The following ITFG2 variants were observed in gnomAD, a reference collection of about 807,000 sequenced individuals.
ITFG2 encodes the protein KICSTOR complex protein ITFG2.
A neutral mutation model predicts 54.4 loss-of-function variants in ITFG2; 36 were observed. The observed-to-expected ratio is 0.66, with a 90% CI of 0.51 to 0.87. The LOEUF (loss-of-function observed/expected upper bound fraction) is 0.87. ITFG2 is among the 40% of genes least tolerant of loss of function. ITFG2 has a pLI of 0.00. For synonymous variants in ITFG2, 211 were observed against 225.4 expected (o/e 0.94, Z 0.57); for missense variants, 524 against 576.7 (o/e 0.91, Z 0.94).
Position 2,817,226 on chromosome 12 carries a change from A to T in ITFG2, c.100A>T (p.Asn34Tyr). The T allele has an allele frequency of 1.2e-6, 2 of 1,611,178 alleles. No individual in the cohort carries two copies. The highest frequency in any genetic ancestry group is 1.7e-6 in the Non-Finnish European group (2 of 1,177,600). The stretch of plus-strand genomic sequence containing the variant: ...TTTCTTCTCTCTCCATTTGAAGTTA[A>T]ATGAACTGGTGGTGGGAGACACCAG... Reference protein sequence around the residue: ...CLGDVDNDTLNELVVGDTSGK... With the variant: ...CLGDVDNDTLYELVVGDTSGK... The change falls in exon 2 of 12, where the codon AAT (asparagine) becomes TAT (tyrosine). Residue 34 changes from asparagine to tyrosine, a missense_variant. Coordinates refer to ENST00000228799, the MANE Select transcript of ITFG2 (RefSeq NM_018463.4).
At chr12:2,813,136 G>T (rs1399278140) in intron 1 of ITFG2, among the ~76,000 whole-genome samples, 1 of 152,056 alleles carries the variant, frequency 6.6e-6, no homozygotes, top group Admixed American at 6.5e-5. Flanking sequence ...TCCCGGGCTC[G>T]AGCGATTCTC....
intron 2 of ITFG2, among the ~76,000 whole-genome samples, chr12:2,842,041 A>G (rs187971558): frequency 6.0e-5 from 9 of 150,472 alleles, no homozygotes; most frequent in Admixed American, 2.7e-4. Flanking sequence ...TTTTTGATCT[A>G]TTGGGTTAAA....
At chr12:2,852,932 G>A (rs756240174) in intron 2 of ITFG2, among the ~76,000 whole-genome samples, 40 of 152,000 alleles carry the variant, frequency 2.6e-4, no homozygotes, top group Non-Finnish European at 4.7e-4. Context: ...CCCAGGAGGC[G>A]GAGGTTGCAG....
Position 2,824,240 on chromosome 12 carries a change from C to T in ITFG2, c.*47C>T. 1.3e-6 allele frequency: 2 copies of T among 1,560,086 alleles called. No homozygotes were observed. Among genetic ancestry groups the T allele is most frequent in the Non-Finnish European group, 1.8e-6 (2 of 1,131,096 alleles). ...TGAAGGATTCTTCTGAACCCCCACCCTACCCCCTAAAGGTATCTGTGGTAT... is the reference window on the plus strand; with the variant it reads ...TGAAGGATTCTTCTGAACCCCCACCTTACCCCCTAAAGGTATCTGTGGTAT... On this transcript the variant is annotated 3_prime_UTR_variant, in exon 12 of 12. Transcript: ENST00000228799.
rs1162448391 is a variant in ITFG2, at chr12:2,824,702, T to G, written c.*509T>G. ...TGAAGGATCTTTCTACAGTCTGGTCTTACCCATGTTCCTAGCAACCCTGAG... is the reference window on the plus strand; with the variant it reads ...TGAAGGATCTTTCTACAGTCTGGTCGTACCCATGTTCCTAGCAACCCTGAG... On this transcript the variant is annotated 3_prime_UTR_variant, in exon 12 of 12. Transcript: ENST00000228799. 6.0e-6 allele frequency: 1 copy of G among 166,930 alleles called. No individual in the cohort carries two copies. The highest frequency in any genetic ancestry group is 1.7e-4 in the East Asian group (1 of 5,924). 10.3% of individuals were successfully genotyped at this position (166,930 alleles called of 1,614,324 possible).
Position 2,818,193 on chromosome 12 carries a change from G to C in ITFG2, c.322G>C (p.Glu108Gln). ...AKVLDASGHH[E>Q]TLIGEEQRPV... ...GGTGTTGGATGCTTCTGGGCACCACGAGACACTAATCGGAGAGGAGCAGCG... is the reference window on the plus strand; with the variant it reads ...GGTGTTGGATGCTTCTGGGCACCACCAGACACTAATCGGAGAGGAGCAGCG... The change falls in exon 4 of 12, where the codon GAG becomes CAG. Residue 108 changes from glutamate (E) to glutamine (Q), a missense_variant. Physicochemically the swap from Glu to Gln is conservative, Grantham distance 29. Coordinates refer to ENST00000228799, the MANE Select transcript of ITFG2 (RefSeq NM_018463.4). 1 of 1,614,138 alleles carries C rather than the reference G, an allele frequency of 6.2e-7. No homozygotes were observed. Among genetic ancestry groups the C allele is most frequent in the Non-Finnish European group, 8.5e-7 (1 of 1,180,038 alleles).
chr12:2,818,038 C>CTGA lies in ITFG2; in HGVS notation c.235-63_235-61dup, dbSNP rs531726711. 2.1e-5 allele frequency: 33 copies of CTGA among 1,608,994 alleles called. No homozygotes were observed. The East Asian group carries it at 6.3e-4, about 30-fold the overall frequency. On this transcript the variant is annotated intron_variant, in intron 3 of 11. Transcript: ENST00000228799. ...AGGCTTCAGCTCTGACCTCTGTGAT[C>CTGA]TGATGATCAGGCTTGTTTCCAAAAC...
At chr12:2,830,873 C>T in exon 3 of ITFG2, 1 of 1,610,338 alleles carries the variant, frequency 6.2e-7, no homozygotes, top group Non-Finnish European at 8.5e-7. Context: ...GGCTCCATCA[C>T]AAAACAATGA....
chr12:2,818,166 A>G lies in ITFG2; in HGVS notation c.295A>G (p.Lys99Glu), dbSNP rs1253924317. 3 of 1,614,038 alleles carry G rather than the reference A, an allele frequency of 1.9e-6. No individual in the cohort carries two copies. Among genetic ancestry groups the G allele is most frequent in the African/African-American group, 2.7e-5 (2 of 74,900 alleles). Residue 99 changes from lysine to glutamate, a missense_variant, in exon 4 of 12, where the codon AAG becomes GAG. Lys to Glu is a moderately conservative substitution (Grantham distance 56, BLOSUM62 1). Coordinates refer to ENST00000228799, the MANE Select transcript of ITFG2 (RefSeq NM_018463.4). ...TCATTTGTTTGACCTGACACCTGCC[A>G]AGGTGTTGGATGCTTCTGGGCACCA... ...WFHLFDLTPA[K>E]VLDASGHHET...
At chr12:2,855,098 G>T in intron 2 of ITFG2, 2 of 1,535,750 alleles carry the variant, frequency 1.3e-6, no homozygotes, top group Non-Finnish European at 1.7e-6. Flanking sequence ...CAGGAGGGAG[G>T]GGGGATGGGG....
intron 3 of ITFG2, chr12:2,858,671 G>A (rs1318311103): frequency 6.2e-7 from 1 of 1,614,174 alleles, no homozygotes. Flanking sequence ...GGGACCAGTT[G>A]ATGTTGTCAG....
upstream of ITFG2, among the ~76,000 whole-genome samples, chr12:2,834,070 T>C (rs899937424): frequency 2.0e-5 from 3 of 152,120 alleles, no homozygotes; most frequent in Non-Finnish European, 4.4e-5. Flanking sequence ...AGACATGGGA[T>C]GGGAGGAGAG....
intron 2 of ITFG2, chr12:2,830,750 C>A (rs781702788): frequency 6.2e-6 from 10 of 1,613,712 alleles, no homozygotes; most frequent in Non-Finnish European, 8.5e-6. Flanking sequence ...TCCTGCTGGT[C>A]TTCCTCCTGC....
chr12:2,827,931 A>G (rs1397035680), downstream of ITFG2: 1 of 1,614,082 alleles, frequency 6.2e-7, no homozygotes, highest in Admixed American at 1.7e-5. The surrounding 1 kb of genome is among the most constrained non-coding windows in gnomAD (Gnocchi z 4.0). Flanking sequence ...CTTACCCACC[A>G]CCTGTGCCGA....
At chr12:2,817,768 G>C (rs1192830186) in intron 2 of ITFG2, 141 bp from the exon 3 acceptor site, 2 of 761,848 alleles carry the variant, frequency 2.6e-6, no homozygotes, top group Non-Finnish European at 4.2e-6. Context: ...CGTTAATAAA[G>C]ACCATCACCA....
chr12:2,827,470 T>A, downstream of ITFG2: 1 of 985,420 alleles, frequency 1.0e-6, no homozygotes, highest in Non-Finnish European at 1.2e-6. This position sits in a 1 kb window ranked among gnomAD's most constrained non-coding sequence, Gnocchi z 4.0. Context: ...TCTCTTGATT[T>A]TTCACTTGGT....
intron 4 of ITFG2, 36 bp downstream of exon 4, chr12:2,818,313 T>C (rs200177526): frequency 6.2e-7 from 1 of 1,605,468 alleles, no homozygotes; most frequent in East Asian, 2.2e-5. Context: ...GCCAGGAGAG[T>C]AGGAGTCAGT....
At position 2,847,150 on chromosome 12, in the gene ITFG2, T is replaced by A. The variant is rs1443693632; in HGVS notation, n.300+6155T>A. ...GTCTGGCTTTTTTCATTTAGCATAA[T>A]GTTTTCAAGGTTTATCCATGTTGTA... On this transcript the variant is annotated intron_variant and non_coding_transcript_variant, in intron 2 of 3. Coordinates refer to the ITFG2 transcript ENST00000537710. Among the ~76,000 whole-genome samples, 11 of 152,226 alleles carry A rather than the reference T, an allele frequency of 7.2e-5. No homozygotes were observed. In the East Asian group the frequency reaches 2.1e-3, roughly 29 times the overall value.
upstream of ITFG2, among the ~76,000 whole-genome samples, chr12:2,833,739 A>G (rs2098014554): frequency 6.6e-6 from 1 of 152,150 alleles, no homozygotes; most frequent in South Asian, 2.1e-4. Flanking sequence ...GAATAATAAT[A>G]ATAGCATTTA....
Sources: allele counts gnomAD v4.1 joint callset (sites outside exome capture counted in the v4.1 genomes callset), GRCh38; gene constraint gnomAD v4.1.1; non-coding constraint Gnocchi (gnomAD v3.1); transcripts MANE v1.5; gene names NCBI Gene and HGNC (gene_info 2026-07-23, HGNC 2026-07-21).